Variants in SIN3A observed in about 807,000 individuals in gnomAD.
SIN3A encodes paired amphipathic helix protein Sin3a.
SIN3A carries 14 observed loss-of-function variants against 146.1 expected under a neutral mutation model. That is an observed-to-expected ratio of 0.10 (90% confidence interval 0.06 to 0.15). The LOEUF is 0.15. Ranked by LOEUF, SIN3A falls within the 10% of genes least tolerant of loss-of-function variation. The pLI is 1.00. For missense variants in SIN3A, 1,028 were observed against 1,576.0 expected (o/e 0.65, Z 5.89); for synonymous variants, 572 against 572.0 (o/e 1.00, Z 0.00).
At position 75,402,609 on chromosome 15, in the gene SIN3A, G is replaced by T. The variant is rs1238021409; in HGVS notation, c.1408-639C>A. ...CGTTAGTGTTTTTAGATGTGATAATGATTATGTTTGCAATAAGGAGTTTTT... is the reference window on the plus strand; with the variant it reads ...CGTTAGTGTTTTTAGATGTGATAATTATTATGTTTGCAATAAGGAGTTTTT... On this transcript the variant is annotated intron_variant, in intron 9 of 20. Transcript: ENST00000394947. 3.3e-5 allele frequency among the ~76,000 whole-genome samples: 5 copies of T among 152,082 alleles called. No homozygotes were observed. The South Asian group carries it at 8.3e-4, about 25-fold the overall frequency.
In SIN3A at chr15:75,396,308, A is replaced by C; in HGVS notation, c.2043T>G (p.Ile681Met). The change falls in exon 13 of 21, where the codon ATT (isoleucine) becomes ATG (methionine). Residue 681 changes from isoleucine (I) to methionine (M), a missense_variant. Ile to Met is a conservative substitution (Grantham distance 10). Transcript: ENST00000394947. Reference sequence around the variant, plus strand: ...TGGAGGGATTCTTTCTCAGACCATCAATGATGTCAGCTGCTTTATCAGCAT... The same window carrying C: ...TGGAGGGATTCTTTCTCAGACCATCCATGATGTCAGCTGCTTTATCAGCAT... ...RIYADKAADI[I>M]DGLRKNPSIA... 1 of 1,614,208 alleles carries C rather than the reference A, an allele frequency of 6.2e-7. No individual in the cohort carries two copies.
chr15:75,426,641 GCA>G (rs1232852092), intron 2 of SIN3A, among the ~76,000 whole-genome samples: 1 of 152,112 alleles, frequency 6.6e-6, no homozygotes, highest in Non-Finnish European at 1.5e-5. Flanking sequence ...AAAAAGAAAA[GCA>G]GAAAGGGCGG....
chr15:75,422,465 G>T, intron 3 of SIN3A, 182 bp downstream of exon 3: 1 of 682,406 alleles, frequency 1.5e-6, no homozygotes. Flanking sequence ...TTCTTCTCTG[G>T]ATCAGGCACT....
intron 8 of SIN3A, among the ~76,000 whole-genome samples, chr15:75,408,317 TGATTTCAAAA>T (rs1336769502): frequency 1.3e-5 from 2 of 152,218 alleles, no homozygotes; most frequent in African/African-American, 4.8e-5. Flanking sequence ...ATGTTCAACT[TGATTTCAAAA>T]GATTTCAAAA....
rs1175718627 is a variant in SIN3A, at chr15:75,392,734, G to A, written c.2359C>T (p.Leu787=). 6.2e-7 allele frequency: 1 copy of A among 1,614,072 alleles called. No homozygotes were observed. The highest frequency in any genetic ancestry group is 8.5e-7 in the Non-Finnish European group (1 of 1,180,044). ...ATAATCAGAGCAGCAGCATCTTCCA[G>A]TATTTGTTTGTCTTCATACGCAAGT... ...LSLAYEDKQI[L]EDAAALIIHH... The change falls in exon 15 of 21, where the codon CTG becomes TTG. Residue 787 remains leucine, a synonymous_variant. Coordinates refer to ENST00000394947, the MANE Select transcript of SIN3A (RefSeq NM_001145358.2).
intron 7 of SIN3A, 28 bp downstream of exon 7, chr15:75,410,106 T>A: frequency 6.2e-7 from 1 of 1,607,966 alleles, no homozygotes; most frequent in Non-Finnish European, 8.5e-7. Flanking sequence ...TAATAGTAAA[T>A]AGTGTAATTC....
intron 16 of SIN3A, among the ~76,000 whole-genome samples, chr15:75,385,437 G>A (rs2073059606): frequency 6.6e-6 from 1 of 152,196 alleles, no homozygotes; most frequent in Non-Finnish European, 1.5e-5. Flanking sequence ...GGCCAATCAT[G>A]ATTGACTATC....
At chr15:75,444,223 G>A (rs1011699514) in intron 1 of SIN3A, among the ~76,000 whole-genome samples, 4 of 152,078 alleles carry the variant, frequency 2.6e-5, no homozygotes, top group African/African-American at 4.8e-5. Context: ...GCAGCACTTC[G>A]AGAGATAAGA....
chr15:75,384,139 A>T lies in SIN3A; in HGVS notation c.3195+125T>A. ...CTTCCACTTTGTAGTTCTCTGGTGA[A>T]CTCATTAAAAGGTCCAGGAGTAGAA... On this transcript the variant is annotated intron_variant, in intron 17 of 20. Transcript: ENST00000394947. 5 of 613,550 alleles carry T rather than the reference A, an allele frequency of 8.1e-6. No homozygotes were observed. The East Asian group carries it at 1.5e-4, about 18-fold the overall frequency. 38.0% of individuals were successfully genotyped at this position (613,550 alleles called of 1,614,324 possible).
Position 75,449,322 on chromosome 15 carries a change from C to CGG in SIN3A, c.-34+2100_-34+2101insCC, listed in dbSNP as rs2074360618. On this transcript the variant is annotated intron_variant, in intron 1 of 20. Coordinates refer to ENST00000394947, the MANE Select transcript of SIN3A (RefSeq NM_001145358.2). ...TTCACATAAATATAGCACAGGGTAC[C>CGG]ACTCAGGCCCTACTAACCAAAGCAC... Among the ~76,000 whole-genome samples, 6 of 152,166 alleles carry CGG rather than the reference C, an allele frequency of 3.9e-5. No individual in the cohort carries two copies. In the South Asian group the frequency reaches 1.0e-3, roughly 26 times the overall value.
At chr15:75,429,952 C>T in intron 2 of SIN3A, 1 of 442,172 alleles carries the variant, frequency 2.3e-6, no homozygotes, top group Non-Finnish European at 4.0e-6. Context: ...TCAGTGGCTA[C>T]CTCTGAAGGG....
At chr15:75,390,767 G>T (rs772372726) in intron 15 of SIN3A, among the ~76,000 whole-genome samples, 3 of 151,870 alleles carry the variant, frequency 2.0e-5, no homozygotes, top group Non-Finnish European at 2.9e-5. Context: ...TGTAGAGATG[G>T]GGTCTCACTT....
Position 75,422,317 on chromosome 15 carries a change from T to C in SIN3A, c.366+330A>G. 8 of 581,948 alleles carry C rather than the reference T, an allele frequency of 1.4e-5. No individual in the cohort carries two copies. The South Asian group carries it at 1.5e-4, about 11-fold the overall frequency. The allele number at this position is 581,948 out of a possible 1,614,324, so 36.0% of individuals were successfully genotyped here. ...TACTGTACTAACCTGTAGCCAATCA[T>C]ATATGTGCTCAATAGAGAGTTCAAA... On this transcript the variant is annotated intron_variant, in intron 3 of 20. Coordinates refer to ENST00000394947, the MANE Select transcript of SIN3A (RefSeq NM_001145358.2).
At chr15:75,436,138 A>AG (rs1349703570) in intron 1 of SIN3A, among the ~76,000 whole-genome samples, 5 of 151,540 alleles carry the variant, frequency 3.3e-5, no homozygotes, top group African/African-American at 1.2e-4. Flanking sequence ...TGTCTCAAAA[A>AG]AAAAACAAAA....
Position 75,375,656 on chromosome 15 carries a change from G to T in SIN3A, c.3591+9C>A. On this transcript the variant is annotated intron_variant, in intron 20 of 20. Transcript: ENST00000394947. The stretch of plus-strand genomic sequence containing the variant: ...GATGTGTACAGAAATTTCAGTTACT[G>T]GTTCTCACCTGATGAGCCCGGAGCA... The T allele has an allele frequency of 6.2e-7, 1 of 1,611,716 alleles. No homozygotes were observed. The highest frequency in any genetic ancestry group is 8.5e-7 in the Non-Finnish European group (1 of 1,177,834).
rs2141486054 is a variant in SIN3A, at chr15:75,409,868, T to C, written c.1285A>G (p.Arg429Gly). 1 of 1,613,232 alleles carries C rather than the reference T, an allele frequency of 6.2e-7. No individual in the cohort carries two copies. Residue 429 changes from arginine (R) to glycine (G), a missense_variant, in exon 8 of 21, where the codon AGA becomes GGA. Transcript: ENST00000394947. The part of the protein sequence containing the change: ...RPSQNGCQIR[R>G]HPTGTTPPVK... ...GGAGGGGTGGTTCCTGTAGGATGTC[T>C]GCGGATCTGGCAGCCATTCTGGCTG...
At chr15:75,393,239 T>C (rs2073242185) in intron 14 of SIN3A, among the ~76,000 whole-genome samples, 1 of 152,046 alleles carries the variant, frequency 6.6e-6, no homozygotes, top group Non-Finnish European at 1.5e-5. Flanking sequence ...AAAACAAAAC[T>C]TAGGACCTGA....
At chr15:75,372,332 C>T in intron 20 of SIN3A, 123 bp from the exon 21 acceptor site, 2 of 532,858 alleles carry the variant, frequency 3.8e-6, no homozygotes, top group East Asian at 3.1e-5. Context: ...TCTTAGATAC[C>T]ACTGTTTTTT....
chr15:75,411,673 C>T lies in SIN3A; in HGVS notation c.827G>A (p.Arg276His). The change falls in exon 6 of 21, where the codon CGT (arginine) becomes CAT (histidine). Residue 276 changes from arginine (R) to histidine (H), a missense_variant. By Grantham distance (29) the Arg-to-His change is conservative (BLOSUM62 0). This residue lies in a region of SIN3A where 112 missense variants were observed against 135.7 expected (regional missense o/e 0.83). Coordinates refer to ENST00000394947, the MANE Select transcript of SIN3A (RefSeq NM_001145358.2). ...TPPLPPYASPRSPPVQPHTPV... is the reference protein window; with the variant it reads ...TPPLPPYASPHSPPVQPHTPV... ...TGTGTGAGGCTGGACCGGCGGAGAA[C>T]GTGGGGATGCATACGGTGGAAGTGG... The T allele has an allele frequency of 6.2e-7, 1 of 1,613,876 alleles. No homozygotes were observed.
Sources: allele counts gnomAD v4.1 joint callset (sites outside exome capture counted in the v4.1 genomes callset), GRCh38; gene constraint gnomAD v4.1.1; regional missense constraint gnomAD v4.1.1; transcripts MANE v1.5; gene names NCBI Gene and HGNC (gene_info 2026-07-23, HGNC 2026-07-21).